The following PPARG variants were observed in gnomAD, a reference collection of about 807,000 sequenced individuals.
PPARG encodes the protein peroxisome proliferator activated receptor gamma.
In PPARG, 17 loss-of-function variants were observed where a neutral mutation model predicts 39.2. The observed-to-expected ratio is 0.43, with a 90% confidence interval of 0.30 to 0.65. PPARG has a LOEUF of 0.65. Ranked by LOEUF, PPARG falls within the 30% of genes least tolerant of loss-of-function variation. The pLI is 0.13. For missense variants in PPARG, 406 were observed against 585.9 expected, an observed-to-expected ratio of 0.69 and a Z score of 3.17; for synonymous variants, 223 against 215.7, an observed-to-expected ratio of 1.03 and a Z score of -0.30.
At position 12,390,877 on chromosome 3, in the gene PPARG, C is replaced by T. The variant is rs528451207; in HGVS notation, c.391-1737C>T. Among the ~76,000 whole-genome samples, 26 of 152,140 alleles carry T rather than the reference C, an allele frequency of 1.7e-4. No individual in the cohort carries two copies. The South Asian group carries it at 5.4e-3, about 32-fold the overall frequency. ...TGTTGCCCAGGCTAGTCTCGAACTC[C>T]TGGACTCAAGCGATCAATCCGCCTC... On this transcript the variant is annotated intron_variant, in intron 4 of 7. Coordinates refer to ENST00000651735, the MANE Select transcript of PPARG (RefSeq NM_138711.6).
At chr3:12,343,949 C>T (rs563971466) in intron 2 of PPARG, among the ~76,000 whole-genome samples, 1 of 149,424 alleles carries the variant, frequency 6.7e-6, no homozygotes, top group Non-Finnish European at 1.5e-5. Context: ...CAACCTCTGC[C>T]TCCCAAGTTC....
At chr3:12,319,065 A>C (rs1298908628) in intron 2 of PPARG, among the ~76,000 whole-genome samples, 1 of 152,232 alleles carries the variant, frequency 6.6e-6, no homozygotes, top group Non-Finnish European at 1.5e-5. Context: ...TTAGGTATAA[A>C]TTTCAGGGAA....
chr3:12,423,923 G>A (rs1376059403), intron 7 of PPARG, among the ~76,000 whole-genome samples: 1 of 152,230 alleles, frequency 6.6e-6, no homozygotes, highest in African/African-American at 2.4e-5. Context: ...CTACGATTGT[G>A]TCTGAGAGTA....
chr3:12,297,815 T>C (rs2046825203), intron 1 of PPARG: 1 of 150,826 alleles, frequency 6.6e-6, no homozygotes, highest in African/African-American at 2.4e-5. Context: ...TATTTTTTTC[T>C]AATTTTTTTC....
intron 2 of PPARG, among the ~76,000 whole-genome samples, chr3:12,323,798 A>T (rs1346883552): frequency 6.6e-6 from 1 of 152,042 alleles, no homozygotes; most frequent in Non-Finnish European, 1.5e-5. Context: ...ATGTTCAAGG[A>T]GAAGATCATT....
intron 4 of PPARG, among the ~76,000 whole-genome samples, chr3:12,384,252 A>G (rs1249366260): frequency 6.6e-6 from 1 of 152,172 alleles, no homozygotes; most frequent in Non-Finnish European, 1.5e-5. Flanking sequence ...AATAATTTTA[A>G]TATACTCAAT....
chr3:12,431,756 G>A (rs897592720), intron 7 of PPARG, among the ~76,000 whole-genome samples: 4 of 152,018 alleles, frequency 2.6e-5, no homozygotes, highest in South Asian at 2.1e-4. Flanking sequence ...CCTGGGCTAC[G>A]TAGCAAGACC....
At chr3:12,338,553 T>C (rs2048083384) in intron 2 of PPARG, among the ~76,000 whole-genome samples, 1 of 152,246 alleles carries the variant, frequency 6.6e-6, no homozygotes, top group South Asian at 2.1e-4. Flanking sequence ...AGCTCTTATA[T>C]ATTTACACAA....
intron 1 of PPARG, among the ~76,000 whole-genome samples, chr3:12,293,016 G>T (rs1219232492): frequency 1.3e-5 from 2 of 152,226 alleles, no homozygotes; most frequent in Admixed American, 6.5e-5. Flanking sequence ...CTGTCCGGGA[G>T]TGGGGAGCCG....
At chr3:12,289,307 T>C (rs559565378) in intron 1 of PPARG, among the ~76,000 whole-genome samples, 173 bp downstream of exon 1, 1 of 152,326 alleles carries the variant, frequency 6.6e-6, no homozygotes, top group African/African-American at 2.4e-5. Flanking sequence ...AGTGTCATTG[T>C]TATAAAAGAA....
At chr3:12,373,781 G>A (rs1473550725) in intron 2 of PPARG, among the ~76,000 whole-genome samples, 2 of 152,204 alleles carry the variant, frequency 1.3e-5, no homozygotes, top group African/African-American at 4.8e-5. Flanking sequence ...TTATATCTGA[G>A]TTAAAGGAGG....
At chr3:12,371,000 G>A (rs2049192064) in intron 2 of PPARG, among the ~76,000 whole-genome samples, 1 of 152,082 alleles carries the variant, frequency 6.6e-6, no homozygotes, top group South Asian at 2.1e-4. Flanking sequence ...TCCTCTTCCT[G>A]TCCCCTAGTG....
chr3:12,371,749 C>A, intron 2 of PPARG: 1 of 529,350 alleles, frequency 1.9e-6, no homozygotes, highest in Non-Finnish European at 3.6e-6. Flanking sequence ...GTCCAGTCAG[C>A]CTCTAGCTCA....
chr3:12,401,383 A>G (rs1347849433), intron 5 of PPARG, among the ~76,000 whole-genome samples: 1 of 152,196 alleles, frequency 6.6e-6, no homozygotes, highest in African/African-American at 2.4e-5. Context: ...TGCCATGACT[A>G]CCAGCCTGGT....
chr3:12,397,565 C>T (rs1304407893), intron 5 of PPARG, among the ~76,000 whole-genome samples: 2 of 151,748 alleles, frequency 1.3e-5, no homozygotes, highest in East Asian at 3.9e-4. Context: ...CGCCTGCCAC[C>T]ATGCCCGGCT....
intron 2 of PPARG, among the ~76,000 whole-genome samples, chr3:12,370,136 C>G (rs903407672): frequency 8.6e-5 from 13 of 152,038 alleles, no homozygotes; most frequent in Non-Finnish European, 1.5e-4. Flanking sequence ...TGTCTTTACT[C>G]TCATACTTGA....
intron 4 of PPARG, among the ~76,000 whole-genome samples, chr3:12,383,011 A>C (rs918294978): frequency 1.3e-5 from 2 of 152,106 alleles, no homozygotes; most frequent in Non-Finnish European, 2.9e-5. Flanking sequence ...ATAAAATGAC[A>C]CTGAATTACA....
chr3:12,294,534 C>T (rs1199957883), intron 1 of PPARG, among the ~76,000 whole-genome samples: 1 of 152,154 alleles, frequency 6.6e-6, no homozygotes, highest in East Asian at 1.9e-4. Context: ...TCAATCACTT[C>T]AGAAAATGAT....
intron 2 of PPARG, among the ~76,000 whole-genome samples, chr3:12,316,240 A>G (rs1279232380): frequency 5.3e-5 from 8 of 152,360 alleles, no homozygotes; most frequent in African/African-American, 1.9e-4. Flanking sequence ...GCATTTTGAC[A>G]TGAAAAATGA....
Sources: gnomAD v4.1 joint callset for allele counts (sites outside exome capture counted in the v4.1 genomes callset) on GRCh38, gnomAD v4.1.1 for gene constraint, MANE v1.5 for transcripts, NCBI Gene and HGNC (gene_info 2026-07-23, HGNC 2026-07-21) for gene names.